ARHGEF10L: variants seen among roughly 807,000 people sequenced by gnomAD.
ARHGEF10L encodes Rho guanine nucleotide exchange factor 10 like.
In ARHGEF10L, 69 loss-of-function variants were observed where a neutral mutation model predicts 141.2. That is an observed-to-expected ratio of 0.49 (90% CI 0.40 to 0.60). ARHGEF10L has a LOEUF of 0.60. Ranked by LOEUF, ARHGEF10L falls within the 20% of genes least tolerant of loss-of-function variation. ARHGEF10L has a pLI of 0.00. For missense variants in ARHGEF10L, 1,482 were observed against 1,734.3 expected, an observed-to-expected ratio of 0.85 and a Z score of 2.58; for synonymous variants, 711 against 718.5, an observed-to-expected ratio of 0.99 and a Z score of 0.17.
intron 23 of ARHGEF10L, among the ~76,000 whole-genome samples, chr1:17,655,225 A>T (rs1163801118): frequency 6.6e-6 from 1 of 152,108 alleles, no homozygotes; most frequent in Non-Finnish European, 1.5e-5. Flanking sequence ...ATTTCCCATG[A>T]TCTAGCACAT....
chr1:17,618,495 T>A, intron 9 of ARHGEF10L: 1 of 1,442,512 alleles, frequency 6.9e-7, no homozygotes, highest in Non-Finnish European at 9.1e-7. Context: ...CTGTCCCTCC[T>A]CCTCCTCCTC....
At chr1:17,643,012 C>A (rs1202744945) in intron 21 of ARHGEF10L, among the ~76,000 whole-genome samples, 4 of 152,224 alleles carry the variant, frequency 2.6e-5, no homozygotes, top group Non-Finnish European at 5.9e-5. Flanking sequence ...GCTGCCTTAT[C>A]TCCACACAGC....
intron 26 of ARHGEF10L, among the ~76,000 whole-genome samples, chr1:17,683,634 A>G (rs11203433): frequency 0.22 from 33,259 of 151,910 alleles, 4,202 homozygotes; most frequent in African/African-American, 0.35. Context: ...GGCTGGGGCT[A>G]GGGCTGGGGC....
Position 17,553,831 on chromosome 1 carries a change from C to T in ARHGEF10L, c.-44+13881C>T, listed in dbSNP as rs1456380273. Among the ~76,000 whole-genome samples, 6 of 152,048 alleles carry T rather than the reference C, an allele frequency of 3.9e-5. No individual in the cohort carries two copies. In the South Asian group the frequency reaches 6.2e-4, roughly 16 times the overall value. The stretch of plus-strand genomic sequence containing the variant: ...ATAGCTTAATAGCAGCGTATGATGA[C>T]GACTATCACTTGAGTACCACTGGGT... On this transcript the variant is annotated intron_variant, in intron 1 of 28. Transcript: ENST00000361221.
intron 17 of ARHGEF10L, 95 bp downstream of exon 17, chr1:17,634,657 C>T (rs2101729975): frequency 6.5e-7 from 1 of 1,539,436 alleles, no homozygotes; most frequent in Non-Finnish European, 8.8e-7. Context: ...GCCTGGGCGC[C>T]TGGTGCTTCT....
rs140840825 is a variant in ARHGEF10L at position 17,688,976 on chromosome 1, G to A, written c.3184+1229G>A. On this transcript the variant is annotated intron_variant, in intron 27 of 28. Coordinates refer to ENST00000361221, the MANE Select transcript of ARHGEF10L (RefSeq NM_018125.4). ...TGGTGTAATAACTGCCACCCTGCCCGGGCCTGAGGTGATGAGGCCCCAAGT... is the reference window on the plus strand; with the variant it reads ...TGGTGTAATAACTGCCACCCTGCCCAGGCCTGAGGTGATGAGGCCCCAAGT... 1.1e-4 allele frequency among the ~76,000 whole-genome samples: 17 copies of A among 152,222 alleles called. No individual in the cohort carries two copies. In the East Asian group the frequency reaches 2.9e-3, roughly 26 times the overall value.
At chr1:17,584,594 G>A (rs538895690) in intron 2 of ARHGEF10L, among the ~76,000 whole-genome samples, 113 of 152,314 alleles carry the variant, frequency 7.4e-4, no homozygotes, top group African/African-American at 2.6e-3. Flanking sequence ...GGCAAACCGG[G>A]AGTCTCAGCA....
intron 21 of ARHGEF10L, among the ~76,000 whole-genome samples, chr1:17,645,275 G>A (rs758091086): frequency 1.1e-4 from 17 of 152,148 alleles, no homozygotes; most frequent in Non-Finnish European, 2.2e-4. Context: ...TTTTGTGACG[G>A]GAACAATGGC....
At chr1:17,595,764 A>G (rs74059336) in intron 4 of ARHGEF10L, among the ~76,000 whole-genome samples, 33,940 of 152,054 alleles carry the variant, frequency 0.22, 4,865 homozygotes, top group African/African-American at 0.41. Context: ...ACACGAGGCC[A>G]TACCACGTGC....
Position 17,627,473 on chromosome 1 carries a change from G to A in ARHGEF10L, c.1554G>A (p.Lys518=), listed in dbSNP as rs1557865678. 1 of 1,612,536 alleles carries A rather than the reference G, an allele frequency of 6.2e-7. No individual in the cohort carries two copies. The highest frequency in any genetic ancestry group is 1.7e-5 in the Admixed American group (1 of 59,998). ...DQVAEIQQLT[K]SVSDRSSLNK... is the part of the protein sequence containing the mutation. ...TGGCTGAGATCCAGCAGCTGACCAA[G>A]AGCGTCAGTGACCGCAGCAGCCTCA... Residue 518 remains lysine (K), a synonymous_variant, in exon 15 of 29, where the codon AAG becomes AAA. Transcript: ENST00000361221. The surrounding 1 kb of genome is among the most constrained non-coding windows in gnomAD (Gnocchi z 4.0).
chr1:17,569,372 C>A (rs2077894672), intron 1 of ARHGEF10L, among the ~76,000 whole-genome samples: 1 of 152,232 alleles, frequency 6.6e-6, no homozygotes, highest in Non-Finnish European at 1.5e-5. Flanking sequence ...CAGAGCTATC[C>A]TGGGCTGTGT....
At position 17,632,329 on chromosome 1, in the gene ARHGEF10L, C is replaced by T. The variant is rs60637937; in HGVS notation, c.1593C>T (p.Thr531=). The change falls in exon 16 of 29, where the codon ACC becomes ACT. Residue 531 remains threonine, a synonymous_variant. Transcript: ENST00000361221. ...CCCTGCCCCTCCTCCAGCTGTTGACCTCAGGCCAGCGGCAGCTGCTCCTGT... is the reference window on the plus strand; with the variant it reads ...CCCTGCCCCTCCTCCAGCTGTTGACTTCAGGCCAGCGGCAGCTGCTCCTGT... ...SDRSSLNKLL[T]SGQRQLLLCE... is the part of the protein sequence containing the mutation. 6 of 1,613,928 alleles carry T rather than the reference C, an allele frequency of 3.7e-6. No individual in the cohort carries two copies. In the African/African-American group the frequency reaches 4.0e-5, roughly 11 times the overall value.
At chr1:17,655,099 G>C (rs1338234797) in intron 23 of ARHGEF10L, among the ~76,000 whole-genome samples, 1 of 152,122 alleles carries the variant, frequency 6.6e-6, no homozygotes, top group African/African-American at 2.4e-5. Flanking sequence ...TCTATCCTTG[G>C]GCTTCCTGGC....
chr1:17,669,383 G>T (rs1230805903), intron 26 of ARHGEF10L, among the ~76,000 whole-genome samples: 5 of 152,228 alleles, frequency 3.3e-5, no homozygotes, highest in Non-Finnish European at 5.9e-5. Context: ...GACCAGAAAT[G>T]AGTTTTGCGC....
rs1191827877 is a variant in ARHGEF10L at position 17,556,115 on chromosome 1, G to T, written c.-44+16165G>T. ...CACAGGGATGAGCCTGGGAGCATGG[G>T]GGGGGCCTGGAAACACAGGGGGGCC... is the stretch of plus-strand genomic sequence containing the variant. On this transcript the variant is annotated intron_variant, in intron 1 of 28. Coordinates refer to ENST00000361221, the MANE Select transcript of ARHGEF10L (RefSeq NM_018125.4). 2.8e-5 allele frequency among the ~76,000 whole-genome samples: 3 copies of T among 105,916 alleles called. No individual in the cohort carries two copies. In the Admixed American group the frequency reaches 2.9e-4, roughly 10 times the overall value. 69.5% of individuals were successfully genotyped at this position (105,916 alleles called of 152,430 possible). A position where few individuals can be genotyped will look rare whatever the true frequency, so the allele number is the denominator to read the frequency against.
At chr1:17,687,546 A>G (rs748788171) in intron 26 of ARHGEF10L, 27 bp from the exon 27 acceptor site, 8 of 1,611,304 alleles carry the variant, frequency 5.0e-6, no homozygotes, top group Non-Finnish European at 5.9e-6. Context: ...CCCAGCCAGT[A>G]TCGACACTCC....
At chr1:17,529,824 C>CTTTTT in the ARHGEF10L span, among the ~76,000 whole-genome samples, 8 of 67,188 alleles carry the variant, frequency 1.2e-4, no homozygotes, top group Non-Finnish European at 1.6e-4. Context: ...ACACATCAGT[C>CTTTTT]TTTTTTTTTT....
intron 7 of ARHGEF10L, 77 bp from the exon 8 acceptor site, chr1:17,612,981 G>T: frequency 2.0e-6 from 2 of 987,686 alleles, no homozygotes; most frequent in South Asian, 2.7e-5. Flanking sequence ...CTCCCCTGTT[G>T]TCTGTGTTTT....
chr1:17,580,780 A>G (rs535189171), intron 2 of ARHGEF10L, 148 bp downstream of exon 2: 4 of 896,568 alleles, frequency 4.5e-6, no homozygotes, highest in African/African-American at 1.7e-5. Flanking sequence ...CGCATCCTCT[A>G]TCTCACGTTC....
Sources: allele counts gnomAD v4.1 joint callset (sites outside exome capture counted in the v4.1 genomes callset), GRCh38; gene constraint gnomAD v4.1.1; non-coding constraint Gnocchi (gnomAD v3.1); transcripts MANE v1.5; gene names NCBI Gene and HGNC (gene_info 2026-07-23, HGNC 2026-07-21).